The following CRACD variants were observed in gnomAD, a reference collection of about 807,000 sequenced individuals.
The protein encoded by CRACD is capping protein inhibiting regulator of actin dynamics.
In CRACD, 56 loss-of-function variants were observed where a neutral mutation model predicts 106.8. The observed-to-expected ratio is 0.52, with a 90% confidence interval of 0.42 to 0.66. CRACD has a LOEUF of 0.66. Among genes scored for constraint, CRACD ranks in the 30% least tolerant of loss-of-function variants. CRACD has a pLI of 0.00. For synonymous variants in CRACD, 754 were observed against 670.8 expected (o/e 1.12, Z -1.92); for missense variants, 1,730 against 1,623.2 (o/e 1.07, Z -1.13).
intron 2 of CRACD, among the ~76,000 whole-genome samples, chr4:56,239,754 T>C (rs1368011360): frequency 6.6e-6 from 1 of 152,192 alleles, no homozygotes; most frequent in Non-Finnish European, 1.5e-5. Flanking sequence ...TCAGTGAGCA[T>C]TCAGCTTCCC....
Position 56,314,506 on chromosome 4 carries a change from T to C in CRACD, c.1004T>C (p.Leu335Pro). The C allele has an allele frequency of 3.3e-6, 5 of 1,514,846 alleles. No individual in the cohort carries two copies. Among genetic ancestry groups the C allele is most frequent in the Non-Finnish European group, 3.5e-6 (4 of 1,135,016 alleles). 93.8% of individuals were successfully genotyped at this position (1,514,846 alleles called of 1,614,324 possible). A position where few individuals can be genotyped will look rare whatever the true frequency, so the allele number is the denominator to read the frequency against. Residue 335 changes from leucine (L) to proline (P), a missense_variant, in exon 8 of 11, where the codon CTG (leucine) becomes CCG (proline). Coordinates refer to ENST00000682029, the MANE Select transcript of CRACD (RefSeq NM_001393381.1). This position sits in a 1 kb window ranked among gnomAD's most constrained non-coding sequence, Gnocchi z 4.4. ...GCCCAAGCGGAGGAGAGGCGGCGGC[T>C]GGAGGAGGACGCCAGGCTGGAGGAG... ...AQAQAEERRR[L>P]EEDARLEERR...
chr4:56,125,435 G>T (rs80301346), intron 1 of CRACD, among the ~76,000 whole-genome samples: 8,254 of 151,718 alleles, frequency 0.054, 250 homozygotes, highest in South Asian at 0.071. Context: ...TTAGAGACAG[G>T]GTCTTGCCCT....
chr4:56,122,895 G>A (rs1360042036), intron 1 of CRACD, among the ~76,000 whole-genome samples: 1 of 152,182 alleles, frequency 6.6e-6, no homozygotes, highest in African/African-American at 2.4e-5. Flanking sequence ...GGCAGCTGGG[G>A]TGACTTCTTG....
chr4:56,322,968 GC>G (rs138067705), intron 8 of CRACD, among the ~76,000 whole-genome samples: 5 of 152,302 alleles, frequency 3.3e-5, no homozygotes, highest in African/African-American at 1.2e-4. Flanking sequence ...GGCAGAGGTT[GC>G]AATGTGCCGA....
chr4:56,152,715 A>G (rs191928405), intron 1 of CRACD, among the ~76,000 whole-genome samples: 26 of 151,598 alleles, frequency 1.7e-4, no homozygotes, highest in South Asian at 8.4e-4. Context: ...AGATAAAATA[A>G]AGTGAAGTAT....
intron 1 of CRACD, among the ~76,000 whole-genome samples, chr4:56,128,997 A>T (rs145622363): frequency 6.6e-6 from 1 of 152,258 alleles, no homozygotes; most frequent in Non-Finnish European, 1.5e-5. Flanking sequence ...ACCTATTTTT[A>T]AAAAAACTAA....
intron 2 of CRACD, among the ~76,000 whole-genome samples, chr4:56,249,314 T>C (rs1480614539): frequency 1.4e-5 from 2 of 147,872 alleles, no homozygotes; most frequent in Non-Finnish European, 3.0e-5. Context: ...TTTGCATTTC[T>C]CTGATGGCCA....
intron 1 of CRACD, among the ~76,000 whole-genome samples, chr4:56,172,629 A>T: frequency 6.9e-6 from 1 of 145,126 alleles, no homozygotes; most frequent in African/African-American, 2.5e-5. Context: ...CGCCCAGCTA[A>T]TTTTTTTTTT....
chr4:56,231,079 T>A (rs1275333143), intron 2 of CRACD, among the ~76,000 whole-genome samples: 2 of 148,226 alleles, frequency 1.3e-5, no homozygotes, highest in African/African-American at 4.9e-5. Context: ...AACAAAAAAA[T>A]TGTTAACAAA....
Position 56,315,337 on chromosome 4 carries a change from A to G in CRACD, c.1835A>G (p.Gln612Arg). ...QLCGPAVNLS[Q>R]IKDTACKSLL... ...TGTGGCCCGGCAGTCAACCTGAGCC[A>G]GATCAAGGACACCGCGTGCAAGTCC... is the stretch of plus-strand genomic sequence containing the variant. The change falls in exon 8 of 11, where the codon CAG (glutamine) becomes CGG (arginine). Residue 612 changes from glutamine (Q) to arginine (R), a missense_variant. By Grantham distance (43) the Gln-to-Arg change is conservative. Coordinates refer to ENST00000682029, the MANE Select transcript of CRACD (RefSeq NM_001393381.1). This position sits in a 1 kb window ranked among gnomAD's most constrained non-coding sequence, Gnocchi z 4.1. 1 of 1,613,880 alleles carries G rather than the reference A, an allele frequency of 6.2e-7. No homozygotes were observed.
At chr4:56,180,907 G>A (rs934152845) in intron 2 of CRACD, among the ~76,000 whole-genome samples, 1 of 152,162 alleles carries the variant, frequency 6.6e-6, no homozygotes, top group African/African-American at 2.4e-5. Flanking sequence ...GATGGTGGGA[G>A]TTTGAAGCTT....
intron 1 of CRACD, among the ~76,000 whole-genome samples, chr4:56,177,838 A>G (rs1300348440): frequency 1.3e-5 from 2 of 151,804 alleles, no homozygotes; most frequent in African/African-American, 2.4e-5. Context: ...TTTTATTTCC[A>G]TGGTACCTGT....
chr4:56,321,979 A>G (rs1346695897), intron 8 of CRACD, among the ~76,000 whole-genome samples: 2 of 152,210 alleles, frequency 1.3e-5, no homozygotes, highest in African/African-American at 4.8e-5. Flanking sequence ...CTGGAATACG[A>G]TATAAAATCC....
chr4:56,125,673 T>A (rs987559650), intron 1 of CRACD, among the ~76,000 whole-genome samples: 1 of 151,870 alleles, frequency 6.6e-6, no homozygotes, highest in Non-Finnish European at 1.5e-5. Context: ...TGCCTTGGCC[T>A]CCCAAAGTGT....
intron 1 of CRACD, among the ~76,000 whole-genome samples, chr4:56,107,462 C>CT (rs986559096): frequency 7.3e-5 from 11 of 151,598 alleles, no homozygotes; most frequent in Non-Finnish European, 1.0e-4. Flanking sequence ...ACTATTAATC[C>CT]TTTTTTTTTC....
At chr4:56,231,454 G>A (rs781578464) in intron 2 of CRACD, among the ~76,000 whole-genome samples, 1 of 152,188 alleles carries the variant, frequency 6.6e-6, no homozygotes, top group East Asian at 1.9e-4. Context: ...AAAGCTGACT[G>A]TAGGCTTGTG....
chr4:56,199,681 C>CAAAAAAAAA (rs372264328), intron 2 of CRACD, among the ~76,000 whole-genome samples: 2 of 101,274 alleles, frequency 2.0e-5, no homozygotes, highest in South Asian at 3.3e-4. Context: ...AACTCCGTCT[C>CAAAAAAAAA]AAAAAAAAAA....
chr4:56,234,345 G>A (rs1483381336), intron 2 of CRACD, among the ~76,000 whole-genome samples: 2 of 152,064 alleles, frequency 1.3e-5, no homozygotes, highest in Non-Finnish European at 2.9e-5. Flanking sequence ...AATTACTCTG[G>A]CTTCTTTCAC....
chr4:56,308,403 A>G (rs1038010788), intron 5 of CRACD, among the ~76,000 whole-genome samples: 1 of 152,120 alleles, frequency 6.6e-6, no homozygotes, highest in Non-Finnish European at 1.5e-5. Flanking sequence ...TCTTAGGGAA[A>G]AAGGAGCAAA....
Sources: allele counts gnomAD v4.1 joint callset (sites outside exome capture counted in the v4.1 genomes callset), GRCh38; gene constraint gnomAD v4.1.1; non-coding constraint Gnocchi (gnomAD v3.1); transcripts MANE v1.5; gene names NCBI Gene and HGNC (gene_info 2026-07-23, HGNC 2026-07-21).